BUD23: variants seen among roughly 807,000 people sequenced by gnomAD.
The protein encoded by BUD23 is BUD23 rRNA methyltransferase and ribosome maturation factor, also known as 18S rRNA (guanine-N(7))-methyltransferase.
Under a neutral mutation model 47.0 loss-of-function variants are expected in BUD23, and 34 were observed. That is an observed-to-expected ratio of 0.72 (90% confidence interval 0.55 to 0.96). The LOEUF (loss-of-function observed/expected upper bound fraction) is 0.96. Ranked by LOEUF, BUD23 falls within the 40% of genes least tolerant of loss-of-function variation. BUD23 has a pLI of 0.00. For synonymous variants in BUD23, 124 were observed against 132.0 expected, an observed-to-expected ratio of 0.94 and a Z score of 0.41; for missense variants, 343 against 361.2, an observed-to-expected ratio of 0.95 and a Z score of 0.41.
chr7:73,687,906 T>A (rs921094997), intron 5 of BUD23, among the ~76,000 whole-genome samples: 2 of 151,710 alleles, frequency 1.3e-5, no homozygotes, highest in Non-Finnish European at 2.9e-5. Context: ...TGTTGTTTTT[T>A]TTTTTTTGAG....
intron 7 of BUD23, 52 bp from the exon 8 acceptor site, chr7:73,693,277 T>C: frequency 4.6e-6 from 7 of 1,508,868 alleles, no homozygotes; most frequent in Non-Finnish European, 6.4e-6. Flanking sequence ...GAGGTGAAGC[T>C]GTCTGCTCCT....
chr7:73,690,478 G>T (rs1798148150), intron 5 of BUD23, among the ~76,000 whole-genome samples: 1 of 152,128 alleles, frequency 6.6e-6, no homozygotes, highest in Admixed American at 6.5e-5. Context: ...GCCTTGACAC[G>T]GAGGACTTTT....
chr7:73,693,962 G>A, intron 9 of BUD23, 30 bp from the exon 10 acceptor site: 4 of 1,611,792 alleles, frequency 2.5e-6, no homozygotes, highest in Non-Finnish European at 3.4e-6. Flanking sequence ...AACTCTCCAG[G>A]GTGACCTGAG....
chr7:73,685,111 C>T (rs1457993147), intron 2 of BUD23, among the ~76,000 whole-genome samples: 1 of 151,924 alleles, frequency 6.6e-6, no homozygotes, highest in Non-Finnish European at 1.5e-5. Context: ...ATTCCGAGAC[C>T]AACCTGGCCA....
In BUD23 at chr7:73,693,295, T is replaced by G. The variant is rs1554614320; in HGVS notation, c.511-34T>G. 3.8e-6 allele frequency: 6 copies of G among 1,593,852 alleles called. No homozygotes were observed. In the South Asian group the frequency reaches 6.7e-5, roughly 18 times the overall value. On this transcript the variant is annotated intron_variant, in intron 7 of 11. Transcript: ENST00000265758. Reference sequence around the variant, plus strand: ...GTGAAGCTGTCTGCTCCTCTCAACCTCCGCTGCCTGACCCGCTGCCTTTCT... The same window carrying G: ...GTGAAGCTGTCTGCTCCTCTCAACCGCCGCTGCCTGACCCGCTGCCTTTCT...
In BUD23 at chr7:73,692,609, G is replaced by A. The variant is rs200392309; in HGVS notation, c.473G>A (p.Arg158Gln). The part of the protein sequence containing the change: ...SLFSVLVRGS[R>Q]AVLQLYPENS... ...TGTTTCTTTCAGGTCCGGGGATCCCGAGCTGTCCTGCAGCTGTACCCTGAG... is the reference window on the plus strand; with the variant it reads ...TGTTTCTTTCAGGTCCGGGGATCCCAAGCTGTCCTGCAGCTGTACCCTGAG... Residue 158 changes from arginine (R) to glutamine (Q), a missense_variant, in exon 7 of 12, where the codon CGA (arginine) becomes CAA (glutamine). Arg to Gln is a conservative substitution (Grantham distance 43). Coordinates refer to ENST00000265758, the MANE Select transcript of BUD23 (RefSeq NM_017528.5). 1.9e-6 allele frequency: 3 copies of A among 1,613,738 alleles called. No individual in the cohort carries two copies. Among genetic ancestry groups the A allele is most frequent in the Non-Finnish European group, 1.7e-6 (2 of 1,179,698 alleles).
chr7:73,687,288 G>GT (rs1222101774), intron 5 of BUD23, among the ~76,000 whole-genome samples, 193 bp downstream of exon 5: 6 of 151,818 alleles, frequency 4.0e-5, no homozygotes, highest in African/African-American at 1.2e-4. Flanking sequence ...CTAATTTTTT[G>GT]TTTTTTTGAG....
rs555071768 is a variant in BUD23, at chr7:73,694,199, A to G, written c.701+149A>G. On this transcript the variant is annotated intron_variant, in intron 10 of 11. Coordinates refer to ENST00000265758, the MANE Select transcript of BUD23 (RefSeq NM_017528.5). The stretch of plus-strand genomic sequence containing the variant: ...GGTAGAAACATCAGGTCCCATTTGG[A>G]CTGTGCCTGTTTGGGGCTAGGGGTT... 4.8e-5 allele frequency: 40 copies of G among 833,792 alleles called. No individual in the cohort carries two copies. In the African/African-American group the frequency reaches 6.0e-4, roughly 13 times the overall value. 51.6% of individuals were successfully genotyped at this position (833,792 alleles called of 1,614,324 possible). A position where few individuals can be genotyped will look rare whatever the true frequency, so the allele number is the denominator to read the frequency against.
In BUD23 at chr7:73,692,629, C is replaced by T. The variant is rs1313888903; in HGVS notation, c.493C>T (p.Pro165Ser). 4 of 1,613,642 alleles carry T rather than the reference C, an allele frequency of 2.5e-6. No individual in the cohort carries two copies. Among genetic ancestry groups the T allele is most frequent in the Non-Finnish European group, 3.4e-6 (4 of 1,179,774 alleles). The change falls in exon 7 of 12, where the codon CCT (proline) becomes TCT (serine). Residue 165 changes from proline (P) to serine (S), a missense_variant. Pro to Ser is a moderately conservative substitution (Grantham distance 74). Coordinates refer to ENST00000265758, the MANE Select transcript of BUD23 (RefSeq NM_017528.5). ...RGSRAVLQLY[P>S]ENSEQLELIT... ...ATCCCGAGCTGTCCTGCAGCTGTAC[C>T]CTGAGAACTCAGAGCAGGTGAGTCC...
chr7:73,697,350 G>A, intron 10 of BUD23: 2 of 1,287,538 alleles, frequency 1.6e-6, no homozygotes, highest in Non-Finnish European at 1.1e-6. Flanking sequence ...GCTCGCTGGT[G>A]TTTAGGTCTC....
chr7:73,693,679 A>G lies in BUD23; in HGVS notation c.642+10A>G, dbSNP rs1005142868. 1.2e-6 allele frequency: 2 copies of G among 1,614,138 alleles called. No individual in the cohort carries two copies. Among genetic ancestry groups the G allele is most frequent in the Non-Finnish European group, 1.7e-6 (2 of 1,180,010 alleles). ...GACCTTTATACCAGAGGTGAGGGAC[A>G]CTGGGTTTGCAGGCAGGCCTGTGTC... On this transcript the variant is annotated intron_variant, in intron 9 of 11. Coordinates refer to ENST00000265758, the MANE Select transcript of BUD23 (RefSeq NM_017528.5).
chr7:73,687,900 GTTTT>G (rs1177909328), intron 5 of BUD23, among the ~76,000 whole-genome samples: 2 of 142,472 alleles, frequency 1.4e-5, no homozygotes, highest in African/African-American at 5.1e-5. Flanking sequence ...CGTGGTTGTT[GTTTT>G]TTTTTTTTTG....
intron 5 of BUD23, among the ~76,000 whole-genome samples, chr7:73,687,939 A>C (rs1798042273): frequency 6.7e-6 from 1 of 149,502 alleles, no homozygotes; most frequent in Admixed American, 6.7e-5. Context: ...TCTGTTGCCC[A>C]GGCTGGAGTG....
Position 73,686,724 on chromosome 7 carries a change from G to C in BUD23, c.175G>C (p.Asp59His). The C allele has an allele frequency of 6.2e-7, 1 of 1,614,210 alleles. No homozygotes were observed. The highest frequency in any genetic ancestry group is 8.5e-7 in the Non-Finnish European group (1 of 1,180,040). ...AGAGAATAAGCCCTGTTACCTGCTG[G>C]ATATTGGGTGAGATTCTGGGGCCTG... Reference protein sequence around the residue: ...LPENKPCYLLDIGCGTGLSGS... With the variant: ...LPENKPCYLLHIGCGTGLSGS... The change falls in exon 3 of 12, where the codon GAT (aspartate) becomes CAT (histidine). Residue 59 changes from aspartate (D) to histidine (H), a missense_variant. By Grantham distance (81) the Asp-to-His change is moderately conservative. Coordinates refer to ENST00000265758, the MANE Select transcript of BUD23 (RefSeq NM_017528.5).
chr7:73,684,136 A>C, intron 2 of BUD23: 2 of 592,234 alleles, frequency 3.4e-6, no homozygotes, highest in Non-Finnish European at 2.8e-6. Flanking sequence ...GAAGGAAGTA[A>C]TGGCCGTAGG....
At chr7:73,693,945 G>C in intron 9 of BUD23, 47 bp from the exon 10 acceptor site, 1 of 1,608,370 alleles carries the variant, frequency 6.2e-7, no homozygotes, top group Non-Finnish European at 8.5e-7. Flanking sequence ...GGGGCAGATG[G>C]TTTGAGAACT....
intron 9 of BUD23, 149 bp from the exon 10 acceptor site, chr7:73,693,843 C>T: frequency 2.3e-6 from 3 of 1,302,152 alleles, no homozygotes; most frequent in Non-Finnish European, 2.2e-6. Flanking sequence ...CTCTGCTCTG[C>T]AGGTCCCAGA....
At position 73,691,901 on chromosome 7, in the gene BUD23, A is replaced by C. The variant is rs569864901; in HGVS notation, c.460-695A>C. 6.6e-5 allele frequency among the ~76,000 whole-genome samples: 10 copies of C among 152,280 alleles called. No homozygotes were observed. In the South Asian group the frequency reaches 2.1e-3, roughly 32 times the overall value. Reference sequence around the variant, plus strand: ...ATTATAGGCGTAAGCCACTGTGCCCAGCTTAAAAATGAGTCCGTTTTGAAG... The same window carrying C: ...ATTATAGGCGTAAGCCACTGTGCCCCGCTTAAAAATGAGTCCGTTTTGAAG... On this transcript the variant is annotated intron_variant, in intron 6 of 11. Transcript: ENST00000265758.
In BUD23 at chr7:73,686,907, A is replaced by G. The variant is rs781932691; in HGVS notation, c.265+7A>G. 83 of 1,614,082 alleles carry G rather than the reference A, an allele frequency of 5.1e-5. No homozygotes were observed. The Admixed American group carries it at 9.5e-4, about 18-fold the overall frequency. The stretch of plus-strand genomic sequence containing the variant: ...ATCAGCCCTGCCATGCTGGGTAAGT[A>G]TGTCCTGTCTGGCACCAGGGTGGAT... On this transcript the variant is annotated splice_region_variant and intron_variant, in intron 4 of 11. Transcript: ENST00000265758.
Sources: gnomAD v4.1 joint callset for allele counts (sites outside exome capture counted in the v4.1 genomes callset) on GRCh38, gnomAD v4.1.1 for gene constraint, MANE v1.5 for transcripts, NCBI Gene and HGNC (gene_info 2026-07-23, HGNC 2026-07-21) for gene names.